VWA8: variants seen among roughly 807,000 people sequenced by gnomAD.
The protein encoded by VWA8 is von Willebrand factor A domain containing 8.
In VWA8, 221 loss-of-function variants were observed where a neutral mutation model predicts 241.5. That is an observed-to-expected ratio of 0.91 (90% CI 0.82 to 1.02). The LOEUF is 1.02. VWA8 is among the 50% of genes least tolerant of loss of function. The pLI is 0.00. For missense variants in VWA8, 2,322 were observed against 2,328.7 expected (o/e 1.00, Z 0.06); for synonymous variants, 852 against 827.1 (o/e 1.03, Z -0.52).
At chr13:41,904,875 T>C (rs1365747739) in intron 4 of VWA8, among the ~76,000 whole-genome samples, 1 of 152,120 alleles carries the variant, frequency 6.6e-6, no homozygotes, top group Non-Finnish European at 1.5e-5. Context: ...TGAATTAATA[T>C]CTACCCTTTC....
intron 21 of VWA8, among the ~76,000 whole-genome samples, chr13:41,733,435 C>T (rs2045500648): frequency 6.6e-6 from 1 of 152,140 alleles, no homozygotes; most frequent in South Asian, 2.1e-4. Flanking sequence ...AGTAATAAAA[C>T]CCACCCAAAA....
intron 2 of VWA8, among the ~76,000 whole-genome samples, chr13:41,913,974 G>GC (rs1876132598): frequency 1.3e-5 from 2 of 152,232 alleles, no homozygotes; most frequent in Admixed American, 1.3e-4. Flanking sequence ...AGGCATGGTG[G>GC]CTCACGCCTG....
chr13:41,841,784 CAAAAAAAAAAAAAAA>C lies in VWA8; in HGVS notation c.1426-8268_1426-8254del, dbSNP rs1166227706. 7.0e-3 allele frequency among the ~76,000 whole-genome samples: 231 copies of C among 33,134 alleles called. 1 individual carries two copies. The highest frequency in any genetic ancestry group is 8.6e-3 in the Non-Finnish European group (185 of 21,468). The allele number at this position is 33,134 out of a possible 152,430, so 21.7% of individuals were successfully genotyped here. A position where few individuals can be genotyped will look rare whatever the true frequency, so the allele number is the denominator to read the frequency against. Reference sequence around the variant, plus strand: ...TGGGCGACAGAGCGAGACTCTGTCTCAAAAAAAAAAAAAAAAAAAAAAAAAAAAAAAAAAAAATAT... The same window carrying C: ...TGGGCGACAGAGCGAGACTCTGTCTCAAAAAAAAAAAAAAAAAAAAAATAT... On this transcript the variant is annotated intron_variant, in intron 12 of 44. Coordinates refer to ENST00000379310, the MANE Select transcript of VWA8 (RefSeq NM_015058.2).
chr13:41,642,715 G>A (rs991232564), intron 37 of VWA8, among the ~76,000 whole-genome samples: 1 of 151,692 alleles, frequency 6.6e-6, no homozygotes, highest in Non-Finnish European at 1.5e-5. Flanking sequence ...GATCACCTGA[G>A]GTCAAGAGTT....
Position 41,811,231 on chromosome 13 carries a change from A to G in VWA8, c.2057T>C (p.Leu686Pro). ...NLHSAVTKACLSRFLPSLARS... is the reference protein window; with the variant it reads ...NLHSAVTKACPSRFLPSLARS... ...TGAGAAAGAATATGTTTACCTGGAA[A>G]GGCAGGCTTTAGTAACAGCACTGTG... The change falls in exon 17 of 45, where the codon CTT (leucine) becomes CCT (proline). Residue 686 changes from leucine (L) to proline (P), a missense_variant. By Grantham distance (98) the Leu-to-Pro change is moderately conservative (BLOSUM62 -3). Coordinates refer to ENST00000379310, the MANE Select transcript of VWA8 (RefSeq NM_015058.2). 1.4e-5 allele frequency: 22 copies of G among 1,602,746 alleles called. No homozygotes were observed. Among genetic ancestry groups the G allele is most frequent in the Non-Finnish European group, 1.9e-5 (22 of 1,170,932 alleles).
chr13:41,748,591 C>G (rs1172474510), intron 21 of VWA8, among the ~76,000 whole-genome samples: 1 of 152,046 alleles, frequency 6.6e-6, no homozygotes, highest in Non-Finnish European at 1.5e-5. Flanking sequence ...TTTTGTGTCT[C>G]TATCTCCTTC....
rs373288508 is a variant in VWA8, at chr13:41,883,494, A to T, written c.976-3T>A. On this transcript the variant is annotated splice_polypyrimidine_tract_variant and splice_region_variant and intron_variant, in intron 8 of 44. Transcript: ENST00000379310. ...ATTGGCATCATAGGAAAGGAATCCT[A>T]TGTAGGAGCAAAAATACATAGGAAT... 5.6e-6 allele frequency: 9 copies of T among 1,604,264 alleles called. No individual in the cohort carries two copies. The highest frequency in any genetic ancestry group is 7.7e-6 in the Non-Finnish European group (9 of 1,171,892).
At chr13:41,746,949 A>C (rs2045611913) in intron 21 of VWA8, among the ~76,000 whole-genome samples, 1 of 152,196 alleles carries the variant, frequency 6.6e-6, no homozygotes, top group Non-Finnish European at 1.5e-5. Flanking sequence ...CCCTCACTAA[A>C]ATACCATGGA....
chr13:41,703,626 T>G (rs965168912), intron 26 of VWA8, among the ~76,000 whole-genome samples: 1 of 152,178 alleles, frequency 6.6e-6, no homozygotes, highest in African/African-American at 2.4e-5. Context: ...ACTAAGAAGG[T>G]AAGGCAAGGT....
intron 10 of VWA8, 68 bp downstream of exon 10, chr13:41,868,278 C>T (rs1873404062): frequency 1.9e-5 from 30 of 1,583,774 alleles, no homozygotes; most frequent in Non-Finnish European, 2.6e-5. Flanking sequence ...GATCATAAAC[C>T]CAATTTAGGT....
chr13:41,719,321 A>T, intron 26 of VWA8: 1 of 1,253,386 alleles, frequency 8.0e-7, no homozygotes, highest in South Asian at 1.9e-5. Flanking sequence ...GTAATTCAAC[A>T]AAAGGACTGA....
intron 1 of VWA8, among the ~76,000 whole-genome samples, chr13:41,956,641 A>G (rs1878363477): frequency 6.6e-6 from 1 of 152,216 alleles, no homozygotes; most frequent in Non-Finnish European, 1.5e-5. Flanking sequence ...TTGAAGCCAC[A>G]GTTCTATATT....
At chr13:41,787,600 T>A in intron 17 of VWA8, 57 bp from the exon 18 acceptor site, 9 of 862,324 alleles carry the variant, frequency 1.0e-5, no homozygotes, top group Middle Eastern at 2.2e-4. Context: ...TTTCTGCGAT[T>A]CTTAAATACA....
chr13:41,815,775 T>A (rs1320967552), intron 16 of VWA8, among the ~76,000 whole-genome samples: 1 of 151,966 alleles, frequency 6.6e-6, no homozygotes, highest in Admixed American at 6.6e-5. Context: ...TACTAGAGAG[T>A]CATATGATGA....
In VWA8 at chr13:41,948,087, G is replaced by C. The variant is rs958538527; in HGVS notation, c.241+1849C>G. Among the ~76,000 whole-genome samples the C allele has an allele frequency of 1.1e-4, 17 of 152,048 alleles. 1 individual carries two copies. The highest frequency in any genetic ancestry group is 1.1e-3 in the Admixed American group (17 of 15,248). On this transcript the variant is annotated intron_variant, in intron 2 of 44. Transcript: ENST00000379310. ...ATAAAAACTTGCATATGGATGCTTG[G>C]AGTGGCAATATTCACAATAGTCCGA...
At chr13:41,722,822 G>A (rs2045403535) in intron 24 of VWA8, among the ~76,000 whole-genome samples, 3 of 152,108 alleles carry the variant, frequency 2.0e-5, no homozygotes, top group Non-Finnish European at 4.4e-5. Flanking sequence ...CCTGGCATAT[G>A]GAAGGAAGAG....
Position 41,887,346 on chromosome 13 carries a change from C to T in VWA8, c.667G>A (p.Glu223Lys). 6.2e-7 allele frequency: 1 copy of T among 1,612,206 alleles called. No homozygotes were observed. Among genetic ancestry groups the T allele is most frequent in the Non-Finnish European group, 8.5e-7 (1 of 1,179,448 alleles). Reference protein sequence around the residue: ...DKLLRDHTKKELDSWKIVRVS... With the variant: ...DKLLRDHTKKKLDSWKIVRVS... ...CGGACAATTTTCCAAGAATCCAACT[C>T]TTTTTTGGTATGATCCTATAAAAGT... The change falls in exon 6 of 45, where the codon GAG (glutamate) becomes AAG (lysine). Residue 223 changes from glutamate (E) to lysine (K), a missense_variant. By Grantham distance (56) the Glu-to-Lys change is moderately conservative (BLOSUM62 1). Coordinates refer to ENST00000379310, the MANE Select transcript of VWA8 (RefSeq NM_015058.2).
In VWA8 at chr13:41,721,430, T is replaced by C. The variant is rs371928231; in HGVS notation, c.2904A>G (p.Gln968=). 4.8e-5 allele frequency: 78 copies of C among 1,613,736 alleles called. No individual in the cohort carries two copies. Among genetic ancestry groups the C allele is most frequent in the Non-Finnish European group, 6.4e-5 (75 of 1,179,840 alleles). Residue 968 remains glutamine, a synonymous_variant, in exon 25 of 45, where the codon CAA becomes CAG. Transcript: ENST00000379310. ...AFGELRSLAD[Q]GIINYPYSTR... ...TAGAATAAGGATAGTTAATAATCCC[T>C]TGGTCAGCCAAACTCCTCAGCTCTC...
At chr13:41,683,108 C>T (rs1002932416) in intron 35 of VWA8, among the ~76,000 whole-genome samples, 7 of 152,006 alleles carry the variant, frequency 4.6e-5, no homozygotes, top group African/African-American at 7.2e-5. Context: ...GAAGCAAAAC[C>T]TTATGTTCAC....
Sources: gnomAD v4.1 joint callset for allele counts (sites outside exome capture counted in the v4.1 genomes callset) on GRCh38, gnomAD v4.1.1 for gene constraint, MANE v1.5 for transcripts, NCBI Gene and HGNC (gene_info 2026-07-23, HGNC 2026-07-21) for gene names.